The following INPP4B variants were observed in gnomAD, a reference collection of about 807,000 sequenced individuals.
The protein encoded by INPP4B is inositol polyphosphate 4-phosphatase type II.
INPP4B carries 55 observed loss-of-function variants against 122.5 expected under a neutral mutation model. That is an observed-to-expected ratio of 0.45 (90% CI 0.36 to 0.56). The LOEUF is 0.56. Among genes scored for constraint, INPP4B ranks in the 20% least tolerant of loss-of-function variants. The pLI, the probability that INPP4B is intolerant of heterozygous loss-of-function variation, is 0.00. For missense variants in INPP4B, 1,000 were observed against 1,097.7 expected (o/e 0.91, Z 1.26); for synonymous variants, 403 against 388.7 (o/e 1.04, Z -0.43).
At chr4:142,635,081 A>AT (rs1748808595) in intron 2 of INPP4B, among the ~76,000 whole-genome samples, 1 of 152,172 alleles carries the variant, frequency 6.6e-6, no homozygotes, top group Non-Finnish European at 1.5e-5. Context: ...GAAGACATAC[A>AT]TGTGGCCAAC....
In INPP4B at chr4:142,605,032, T is replaced by C. The variant is rs182436409; in HGVS notation, c.-191+120807A>G. Among the ~76,000 whole-genome samples the C allele has an allele frequency of 2.8e-4, 43 of 151,918 alleles. 1 individual carries two copies. The highest frequency in any genetic ancestry group is 2.2e-3 in the Admixed American group (34 of 15,262). Reference sequence around the variant, plus strand: ...GTATAAAAACAGACACATAGACAAATGGAACAGAACAGAGGAGCCAGAAAT... The same window carrying C: ...GTATAAAAACAGACACATAGACAAACGGAACAGAACAGAGGAGCCAGAAAT... On this transcript the variant is annotated intron_variant, in intron 2 of 25. Transcript: ENST00000262992.
chr4:142,180,492 T>C (rs1484099529), intron 15 of INPP4B, among the ~76,000 whole-genome samples: 1 of 152,210 alleles, frequency 6.6e-6, no homozygotes, highest in Non-Finnish European at 1.5e-5. Flanking sequence ...TGGGTACATA[T>C]ATGCTATGGG....
In INPP4B at chr4:142,491,237, T is replaced by C. The variant is rs560427692; in HGVS notation, c.-190-28511A>G. Among the ~76,000 whole-genome samples the C allele has an allele frequency of 3.3e-5, 5 of 152,124 alleles. No individual in the cohort carries two copies. In the East Asian group the frequency reaches 5.8e-4, roughly 18 times the overall value. On this transcript the variant is annotated intron_variant, in intron 2 of 25. Transcript: ENST00000262992. ...TTGTATCTTTATCTCACCTTTTATATAAAAATCAACTCAAAATGGATTAAA... is the reference window on the plus strand; with the variant it reads ...TTGTATCTTTATCTCACCTTTTATACAAAAATCAACTCAAAATGGATTAAA...
At chr4:142,352,603 C>G (rs1034457070) in intron 7 of INPP4B, among the ~76,000 whole-genome samples, 3 of 151,826 alleles carry the variant, frequency 2.0e-5, no homozygotes, top group African/African-American at 4.8e-5. Context: ...TAGGATCATA[C>G]TTCAGCTCCC....
At chr4:142,160,296 T>C in intron 17 of INPP4B, 62 bp downstream of exon 17, 1 of 1,100,796 alleles carries the variant, frequency 9.1e-7, no homozygotes, top group Non-Finnish European at 1.2e-6. Context: ...AGCTATCTGA[T>C]CATTCCTACC....
chr4:142,230,643 C>CAAA (rs11309327), intron 12 of INPP4B, among the ~76,000 whole-genome samples: 26 of 79,554 alleles, frequency 3.3e-4, no homozygotes, highest in African/African-American at 6.5e-4. Flanking sequence ...AACTCCACCT[C>CAAA]AAAAAAAAAA....
chr4:142,552,917 C>G (rs1256940473), intron 2 of INPP4B, among the ~76,000 whole-genome samples: 1 of 152,132 alleles, frequency 6.6e-6, no homozygotes, highest in African/African-American at 2.4e-5. Flanking sequence ...TCTATATCTC[C>G]TACCTTCATT....
rs371543982 is a variant in INPP4B at position 142,123,428 on chromosome 4, T to A, written c.1894-13A>T. 6.2e-6 allele frequency: 10 copies of A among 1,605,880 alleles called. No individual in the cohort carries two copies. The African/African-American group carries it at 1.2e-4, about 19-fold the overall frequency. ...CCAATCCAGCAAGCTGAAAAAAAAA[T>A]ATTGATGAGATTTACTGCAGTTAGC... On this transcript the variant is annotated splice_polypyrimidine_tract_variant and intron_variant, in intron 19 of 25. Coordinates refer to ENST00000262992, the MANE Select transcript of INPP4B (RefSeq NM_001101669.3).
At chr4:142,776,535 G>A (rs918616782) in intron 1 of INPP4B, among the ~76,000 whole-genome samples, 6 of 152,232 alleles carry the variant, frequency 3.9e-5, no homozygotes, top group Admixed American at 3.9e-4. Flanking sequence ...ATTGGAAGTT[G>A]CCAGGAACTA....
intron 2 of INPP4B, among the ~76,000 whole-genome samples, chr4:142,532,174 AT>A (rs1161411321): frequency 6.6e-6 from 1 of 152,136 alleles, no homozygotes; most frequent in South Asian, 2.1e-4. Context: ...CTTTCAAAGG[AT>A]TCCAGTTGTT....
At chr4:142,696,858 TC>T (rs1357547237) in intron 2 of INPP4B, among the ~76,000 whole-genome samples, 1 of 152,200 alleles carries the variant, frequency 6.6e-6, no homozygotes, top group African/African-American at 2.4e-5. Flanking sequence ...TTAAATTACT[TC>T]CCTTTGCATG....
chr4:142,772,850 G>T (rs1400033771), intron 1 of INPP4B, among the ~76,000 whole-genome samples: 2 of 151,918 alleles, frequency 1.3e-5, no homozygotes, highest in Admixed American at 1.3e-4. Flanking sequence ...TTCAAGACCA[G>T]CCTGGGTAAC....
chr4:142,069,109 G>T (rs1322896435), intron 25 of INPP4B, among the ~76,000 whole-genome samples: 4 of 152,096 alleles, frequency 2.6e-5, no homozygotes, highest in African/African-American at 9.7e-5. Context: ...AAATGTAAAA[G>T]AACAGAAATT....
intron 10 of INPP4B, among the ~76,000 whole-genome samples, chr4:142,267,148 G>C (rs1274698843): frequency 6.6e-6 from 1 of 152,100 alleles, no homozygotes; most frequent in Non-Finnish European, 1.5e-5. Flanking sequence ...GCAATATACA[G>C]ATTAAATGAA....
At position 142,625,604 on chromosome 4, in the gene INPP4B, A is replaced by C. The variant is rs1464658826; in HGVS notation, c.-191+100235T>G. 9.9e-5 allele frequency among the ~76,000 whole-genome samples: 15 copies of C among 152,194 alleles called. No homozygotes were observed. The South Asian group carries it at 1.2e-3, about 13-fold the overall frequency. On this transcript the variant is annotated intron_variant, in intron 2 of 25. Coordinates refer to ENST00000262992, the MANE Select transcript of INPP4B (RefSeq NM_001101669.3). Reference sequence around the variant, plus strand: ...TGCCATCCCCATCAAGCTACCAATGACTTTCTTCACAGAATTGGAAAAAAC... The same window carrying C: ...TGCCATCCCCATCAAGCTACCAATGCCTTTCTTCACAGAATTGGAAAAAAC...
intron 8 of INPP4B, among the ~76,000 whole-genome samples, chr4:142,311,743 T>A (rs1202784116): frequency 6.6e-6 from 1 of 152,172 alleles, no homozygotes; most frequent in South Asian, 2.1e-4. Flanking sequence ...CCCAATACTA[T>A]GTAAGTGACA....
chr4:142,638,283 G>A (rs1030824116), intron 2 of INPP4B, among the ~76,000 whole-genome samples: 3 of 151,994 alleles, frequency 2.0e-5, no homozygotes, highest in Non-Finnish European at 2.9e-5. Context: ...CTAAGTTCTA[G>A]GTTTTCTCCC....
At chr4:142,553,455 T>A (rs1294583241) in intron 2 of INPP4B, among the ~76,000 whole-genome samples, 1 of 152,168 alleles carries the variant, frequency 6.6e-6, no homozygotes, top group Non-Finnish European at 1.5e-5. Flanking sequence ...CCCTTTCATA[T>A]CCCCTTGGCT....
At chr4:142,570,337 G>A (rs1407569865) in intron 2 of INPP4B, among the ~76,000 whole-genome samples, 2 of 151,570 alleles carry the variant, frequency 1.3e-5, no homozygotes, top group Non-Finnish European at 2.9e-5. Flanking sequence ...TGTTCCTATA[G>A]CCACTGAAAA....
Sources: gnomAD v4.1 joint callset for allele counts (sites outside exome capture counted in the v4.1 genomes callset) on GRCh38, gnomAD v4.1.1 for gene constraint, MANE v1.5 for transcripts, NCBI Gene and HGNC (gene_info 2026-07-23, HGNC 2026-07-21) for gene names.